RABGAP1L: variants seen among roughly 807,000 people sequenced by gnomAD.
The protein encoded by RABGAP1L is rab GTPase-activating protein 1-like.
In RABGAP1L, 63 loss-of-function variants were observed where a neutral mutation model predicts 137.7. The observed-to-expected ratio is 0.46, with a 90% CI of 0.37 to 0.56. The LOEUF (loss-of-function observed/expected upper bound fraction) is 0.56, where lower values mean the gene tolerates loss of function less well. RABGAP1L is among the 20% of genes least tolerant of loss of function. RABGAP1L has a pLI of 0.00. For synonymous variants in RABGAP1L, 431 were observed against 433.7 expected (o/e 0.99, Z 0.08); for missense variants, 1,095 against 1,244.0 (o/e 0.88, Z 1.80).
chr1:174,200,225 A>T (rs1380490924), intron 1 of RABGAP1L, among the ~76,000 whole-genome samples: 1 of 152,350 alleles, frequency 6.6e-6, no homozygotes, highest in Non-Finnish European at 1.5e-5. Flanking sequence ...TGAACTACAA[A>T]AGGATCTATA....
intron 13 of RABGAP1L, among the ~76,000 whole-genome samples, chr1:174,635,138 A>G (rs971958659): frequency 6.6e-6 from 1 of 152,092 alleles, no homozygotes; most frequent in African/African-American, 2.4e-5. Flanking sequence ...CTTTTTACCA[A>G]TTTTTCTTTT....
intron 11 of RABGAP1L, among the ~76,000 whole-genome samples, chr1:174,360,661 A>G (rs564177945): frequency 2.6e-5 from 4 of 152,302 alleles, no homozygotes; most frequent in African/African-American, 9.6e-5. Flanking sequence ...AATTTACAGT[A>G]TACAACATCT....
intron 13 of RABGAP1L, among the ~76,000 whole-genome samples, chr1:174,542,589 C>G (rs1254895001): frequency 6.6e-6 from 1 of 151,806 alleles, no homozygotes; most frequent in African/African-American, 2.4e-5. Flanking sequence ...GTGTCTCTAT[C>G]TCCTTCATTT....
chr1:174,650,371 G>A (rs561471720), intron 14 of RABGAP1L, among the ~76,000 whole-genome samples: 3 of 152,006 alleles, frequency 2.0e-5, no homozygotes, highest in African/African-American at 7.3e-5. Flanking sequence ...GGAGGATTCC[G>A]TCTTTTTCTA....
At chr1:174,438,744 G>GTAGATA (rs1553302953) in intron 13 of RABGAP1L, among the ~76,000 whole-genome samples, 1 of 95,456 alleles carries the variant, frequency 1.0e-5, no homozygotes, top group Non-Finnish European at 1.9e-5. Context: ...GTGTGTGTGT[G>GTAGATA]TATATATATA....
chr1:174,944,644 T>TAAAAA (rs71815856), intron 19 of RABGAP1L, among the ~76,000 whole-genome samples: 2 of 119,648 alleles, frequency 1.7e-5, no homozygotes, highest in Non-Finnish European at 3.8e-5. Flanking sequence ...CTCAAAAAAT[T>TAAAAA]AAAAAAAAAA....
rs527884761 is a variant in RABGAP1L at position 174,673,468 on chromosome 1, G to A, written c.1825-10054G>A. ...AAAACACATGTAAAAATAGATAAAC[G>A]CAGTGACCAAGATGCTATCAGGTAC... On this transcript the variant is annotated intron_variant, in intron 14 of 25. Coordinates refer to ENST00000681986, the MANE Select transcript of RABGAP1L (RefSeq NM_001366446.1). 3.3e-5 allele frequency among the ~76,000 whole-genome samples: 5 copies of A among 152,156 alleles called. 1 individual carries two copies. In the South Asian group the frequency reaches 6.2e-4, roughly 19 times the overall value.
intron 10 of RABGAP1L, among the ~76,000 whole-genome samples, chr1:174,294,995 T>C (rs1053657239): frequency 2.0e-5 from 3 of 152,092 alleles, no homozygotes; most frequent in African/African-American, 7.2e-5. Flanking sequence ...CTTGGCTCAC[T>C]GCAACCTCTG....
intron 19 of RABGAP1L, among the ~76,000 whole-genome samples, chr1:174,824,788 C>G (rs566801002): frequency 1.3e-5 from 2 of 152,096 alleles, no homozygotes; most frequent in South Asian, 4.2e-4. Flanking sequence ...TTCTCTCCTC[C>G]TCTCTCCCCT....
chr1:174,647,539 G>A (rs567439179), intron 14 of RABGAP1L, among the ~76,000 whole-genome samples: 148 of 152,160 alleles, frequency 9.7e-4, no homozygotes, highest in Non-Finnish European at 1.9e-3. Context: ...AACAAGCCTT[G>A]CATCCCAGGG....
chr1:174,702,193 T>G lies in RABGAP1L; in HGVS notation c.2106T>G (p.Thr702=). The G allele has an allele frequency of 6.2e-7, 1 of 1,612,732 alleles. No individual in the cohort carries two copies. Among genetic ancestry groups the G allele is most frequent in the Non-Finnish European group, 8.5e-7 (1 of 1,179,218 alleles). ...TGTATGCATCCCAGTGGTTTCTCAC[T>G]CTTTTTACTGCCAAGTTCCCACTCT... ...AHMYASQWFL[T]LFTAKFPLCM... is the part of the protein sequence containing the mutation. Residue 702 remains threonine (T), a synonymous_variant, in exon 17 of 26, where the codon ACT becomes ACG. Coordinates refer to ENST00000681986, the MANE Select transcript of RABGAP1L (RefSeq NM_001366446.1).
In RABGAP1L at chr1:174,328,003, A is replaced by ACG. The variant is rs1558136399; in HGVS notation, c.1465+22876_1465+22877insCG. On this transcript the variant is annotated intron_variant, in intron 11 of 25. Coordinates refer to ENST00000681986, the MANE Select transcript of RABGAP1L (RefSeq NM_001366446.1). ...TACACACACATATATATATATATAT[A>ACG]TATATATATATATATATATATACCC... is the stretch of plus-strand genomic sequence containing the variant. 5.8e-4 allele frequency among the ~76,000 whole-genome samples: 74 copies of ACG among 127,434 alleles called. 1 individual carries two copies. Among genetic ancestry groups the ACG allele is most frequent in the African/African-American group, 2.7e-3 (70 of 26,024 alleles). 83.6% of individuals were successfully genotyped at this position (127,434 alleles called of 152,430 possible). A position where few individuals can be genotyped will look rare whatever the true frequency, so the allele number is the denominator to read the frequency against.
chr1:174,299,623 A>C (rs1046623986), intron 10 of RABGAP1L, among the ~76,000 whole-genome samples: 5 of 152,204 alleles, frequency 3.3e-5, no homozygotes, highest in Non-Finnish European at 1.5e-5. Context: ...AATATACCTT[A>C]CTCAATTATT....
At chr1:174,371,343 CTTA>C (rs1337938564) in intron 12 of RABGAP1L, among the ~76,000 whole-genome samples, 1 of 151,902 alleles carries the variant, frequency 6.6e-6, no homozygotes, top group African/African-American at 2.4e-5. Flanking sequence ...TATTATTTGT[CTTA>C]TTATTTCACA....
At chr1:174,488,904 A>G (rs1484547836) in intron 13 of RABGAP1L, among the ~76,000 whole-genome samples, 2 of 122,954 alleles carry the variant, frequency 1.6e-5, no homozygotes, top group African/African-American at 6.0e-5. Flanking sequence ...TCCTAATGCT[A>G]TCCCTCCCCC....
chr1:174,387,599 G>T (rs2149066679), intron 12 of RABGAP1L, among the ~76,000 whole-genome samples: 1 of 151,172 alleles, frequency 6.6e-6, no homozygotes, highest in East Asian at 1.9e-4. Context: ...GATTAACAGA[G>T]AAACAAATTG....
chr1:174,339,838 C>A (rs553571873), intron 11 of RABGAP1L, among the ~76,000 whole-genome samples: 2 of 152,204 alleles, frequency 1.3e-5, no homozygotes, highest in South Asian at 4.1e-4. Flanking sequence ...TACTCCTGAC[C>A]TCAAGTGATC....
intron 11 of RABGAP1L, among the ~76,000 whole-genome samples, chr1:174,351,225 G>T (rs146728188): frequency 6.6e-6 from 1 of 152,174 alleles, no homozygotes; most frequent in South Asian, 2.1e-4. Flanking sequence ...CAATTATAGT[G>T]TTATCATTTT....
At chr1:174,663,215 G>A (rs79460052) in intron 14 of RABGAP1L, among the ~76,000 whole-genome samples, 2,078 of 152,234 alleles carry the variant, frequency 0.014, 48 homozygotes, top group African/African-American at 0.046. Context: ...TTCTCAGTAA[G>A]TGCCCTATAC....
Sources: allele counts gnomAD v4.1 joint callset (sites outside exome capture counted in the v4.1 genomes callset), GRCh38; gene constraint gnomAD v4.1.1; transcripts MANE v1.5; gene names NCBI Gene and HGNC (gene_info 2026-07-23, HGNC 2026-07-21).